Variants in MASP1 observed in about 807,000 individuals in gnomAD.
The protein encoded by MASP1 is MBL associated serine protease 1.
In MASP1, 59 loss-of-function variants were observed where a neutral mutation model predicts 77.1. The ratio of observed to expected loss-of-function variants is 0.77; its 90% CI spans 0.62 to 0.95. The LOEUF (loss-of-function observed/expected upper bound fraction) is 0.95, where lower values mean the gene tolerates loss of function less well. Among genes scored for constraint, MASP1 ranks in the 40% least tolerant of loss-of-function variants. MASP1 has a pLI of 0.00. For synonymous variants in MASP1, 362 were observed against 354.5 expected, an observed-to-expected ratio of 1.02 and a Z score of -0.24; for missense variants, 885 against 912.9, an observed-to-expected ratio of 0.97 and a Z score of 0.39.
intron 8 of MASP1, among the ~76,000 whole-genome samples, chr3:187,247,984 T>C (rs1579507738): frequency 6.6e-6 from 1 of 152,314 alleles, no homozygotes; most frequent in East Asian, 1.9e-4. Flanking sequence ...ATAGAACTTG[T>C]AAGCCCCAGA....
intron 10 of MASP1, among the ~76,000 whole-genome samples, chr3:187,236,882 C>T (rs936055759): frequency 5.3e-5 from 8 of 152,212 alleles, no homozygotes; most frequent in African/African-American, 1.4e-4. Flanking sequence ...AGACCATTTA[C>T]AGCCATCTAT....
chr3:187,241,700 C>T (rs1713655351), intron 9 of MASP1, 145 bp from the exon 10 acceptor site: 2 of 661,776 alleles, frequency 3.0e-6, no homozygotes, highest in Non-Finnish European at 5.6e-6. Context: ...ACGATTGTCT[C>T]TGAGCCTAGA....
chr3:187,240,540 G>A (rs1390333255), intron 10 of MASP1, among the ~76,000 whole-genome samples: 1 of 152,036 alleles, frequency 6.6e-6, no homozygotes, highest in East Asian at 1.9e-4. Flanking sequence ...TGGATTATTT[G>A]TTTAACCGTA....
intron 2 of MASP1, among the ~76,000 whole-genome samples, chr3:187,270,870 T>C (rs1463439030): frequency 6.6e-6 from 1 of 152,210 alleles, no homozygotes; most frequent in Non-Finnish European, 1.5e-5. Context: ...CCTTCAGACA[T>C]GCCTCTGAAC....
intron 2 of MASP1, among the ~76,000 whole-genome samples, chr3:187,269,483 C>A (rs1716339061): frequency 6.6e-6 from 1 of 152,104 alleles, no homozygotes; most frequent in African/African-American, 2.4e-5. Context: ...TGGGCCATTT[C>A]TTACAGAAAG....
At chr3:187,282,510 A>AAAAG (rs144429912) in intron 2 of MASP1, among the ~76,000 whole-genome samples, 23,214 of 130,938 alleles carry the variant, frequency 0.18, 2,243 homozygotes, top group African/African-American at 0.22. Context: ...AAAAAAAAAA[A>AAAAG]AAGAAGAAGA....
downstream of MASP1, among the ~76,000 whole-genome samples, chr3:187,233,049 C>A (rs989752100): frequency 4.6e-5 from 7 of 152,284 alleles, no homozygotes; most frequent in African/African-American, 1.4e-4. Flanking sequence ...TAAACTGCCC[C>A]TCCTCCTGTC....
chr3:187,218,032 T>C (rs890207774), exon 16 of MASP1: 1 of 152,216 alleles, frequency 6.6e-6, no homozygotes, highest in African/African-American at 2.4e-5. Flanking sequence ...CATTTACTAT[T>C]GTTCTCCCTC....
At chr3:187,251,558 A>T (rs1395589941) in intron 7 of MASP1, 76 bp downstream of exon 7, 1 of 1,189,236 alleles carries the variant, frequency 8.4e-7, no homozygotes, top group Non-Finnish European at 1.3e-6. Context: ...CTGGCAGCCC[A>T]TCTGCCCTGG....
At chr3:187,289,810 C>T (rs930283596) in intron 1 of MASP1, among the ~76,000 whole-genome samples, 5 of 152,194 alleles carry the variant, frequency 3.3e-5, no homozygotes, top group Non-Finnish European at 7.3e-5. Context: ...TCATGATCAT[C>T]AGTGTGGTTT....
At chr3:187,238,999 C>T (rs1165497994) in intron 10 of MASP1, among the ~76,000 whole-genome samples, 1 of 152,076 alleles carries the variant, frequency 6.6e-6, no homozygotes, top group Non-Finnish European at 1.5e-5. Flanking sequence ...AATGTCATGA[C>T]TCATTGTATC....
chr3:187,227,964 G>A (rs561668587), intron 11 of MASP1, among the ~76,000 whole-genome samples: 1 of 152,250 alleles, frequency 6.6e-6, no homozygotes, highest in African/African-American at 2.4e-5. Flanking sequence ...TCCTTCCCCT[G>A]CTCTTTAAGA....
intron 2 of MASP1, among the ~76,000 whole-genome samples, chr3:187,277,796 T>G (rs1717081906): frequency 6.6e-6 from 1 of 152,214 alleles, no homozygotes; most frequent in Admixed American, 6.5e-5. Flanking sequence ...GTTAATAGAT[T>G]AGAAACTGCT....
downstream of MASP1, among the ~76,000 whole-genome samples, chr3:187,232,602 G>T (rs370134326): frequency 1.3e-5 from 2 of 152,118 alleles, no homozygotes; most frequent in African/African-American, 4.8e-5. Context: ...TCAACCCCAT[G>T]TTCAATCAGT....
intron 2 of MASP1, among the ~76,000 whole-genome samples, chr3:187,283,571 G>A (rs1717605113): frequency 6.6e-6 from 1 of 152,170 alleles, no homozygotes; most frequent in African/African-American, 2.4e-5. Context: ...GGCAAATTAT[G>A]AGAAGAAGTC....
chr3:187,229,824 G>T, downstream of MASP1: 1 of 1,614,160 alleles, frequency 6.2e-7, no homozygotes, highest in Non-Finnish European at 8.5e-7. Context: ...TCCAGGGAGT[G>T]GTGCCTTTCT....
chr3:187,285,099 A>G (rs79357531), intron 2 of MASP1, among the ~76,000 whole-genome samples: 32 of 152,236 alleles, frequency 2.1e-4, no homozygotes, highest in Middle Eastern at 3.4e-3. Flanking sequence ...ATCCCTTAGA[A>G]ATATTCTGAC....
downstream of MASP1, among the ~76,000 whole-genome samples, chr3:187,233,274 A>G (rs1367248263): frequency 2.6e-5 from 4 of 152,168 alleles, no homozygotes; most frequent in Non-Finnish European, 4.4e-5. Flanking sequence ...CATATACCCC[A>G]AACTTAGAGA....
intron 14 of MASP1, chr3:187,223,076 C>A: frequency 6.8e-7 from 1 of 1,477,224 alleles, no homozygotes; most frequent in East Asian, 2.3e-5. Flanking sequence ...GCAGGAAGGC[C>A]CAGTGCAGAG....
Sources: allele counts gnomAD v4.1 joint callset (sites outside exome capture counted in the v4.1 genomes callset), GRCh38; gene constraint gnomAD v4.1.1; transcripts MANE v1.5; gene names NCBI Gene and HGNC (gene_info 2026-07-23, HGNC 2026-07-21).